Variants in THADA observed in about 807,000 individuals in gnomAD.
THADA encodes THADA armadillo repeat containing, also known as tRNA (32-2'-O)-methyltransferase regulator THADA.
Under a neutral mutation model 219.8 loss-of-function variants are expected in THADA, and 213 were observed. The observed-to-expected ratio is 0.97, with a 90% CI of 0.87 to 1.09. The LOEUF is 1.09. THADA is among the 50% of genes least tolerant of loss of function. The pLI is 0.00. For synonymous variants in THADA, 1,018 were observed against 828.9 expected (o/e 1.23, Z -3.92); for missense variants, 2,956 against 2,311.3 (o/e 1.28, Z -5.72).
chr2:43,294,745 G>A (rs1675162351), intron 31 of THADA, among the ~76,000 whole-genome samples: 1 of 152,090 alleles, frequency 6.6e-6, no homozygotes, highest in Non-Finnish European at 1.5e-5. Flanking sequence ...AGAAATAAAT[G>A]ACGAGGGCCT....
chr2:43,530,958 C>T (rs1693791630), intron 21 of THADA, among the ~76,000 whole-genome samples: 3 of 152,140 alleles, frequency 2.0e-5, no homozygotes, highest in African/African-American at 7.2e-5. Context: ...CCGAATAAAC[C>T]CACATAGCTA....
chr2:43,431,045 AG>A (rs1679200006), intron 26 of THADA, among the ~76,000 whole-genome samples: 1 of 152,230 alleles, frequency 6.6e-6, no homozygotes, highest in African/African-American at 2.4e-5. Flanking sequence ...ATAGTTCCTC[AG>A]GCTGCACCAC....
chr2:43,468,891 A>T (rs1312355802), intron 26 of THADA, among the ~76,000 whole-genome samples: 1 of 152,194 alleles, frequency 6.6e-6, no homozygotes, highest in East Asian at 1.9e-4. Flanking sequence ...TGAGATGAAG[A>T]AACTGAGGCC....
chr2:43,327,780 C>A (rs1326452732), intron 30 of THADA, among the ~76,000 whole-genome samples: 1 of 152,144 alleles, frequency 6.6e-6, no homozygotes, highest in Non-Finnish European at 1.5e-5. Flanking sequence ...AAAACCAACT[C>A]ACTTCAAAGC....
intron 28 of THADA, among the ~76,000 whole-genome samples, chr2:43,405,828 A>G (rs1675465460): frequency 6.6e-6 from 1 of 152,198 alleles, no homozygotes; most frequent in African/African-American, 2.4e-5. Context: ...GGCAGCTCAA[A>G]GCTCTTTGCA....
At chr2:43,239,410 C>G (rs1668391247) in intron 36 of THADA, among the ~76,000 whole-genome samples, 1 of 152,248 alleles carries the variant, frequency 6.6e-6, no homozygotes, top group Non-Finnish European at 1.5e-5. Flanking sequence ...AGGCCTCACA[C>G]AGTGTGTTGC....
intron 26 of THADA, among the ~76,000 whole-genome samples, chr2:43,476,050 C>G (rs543523070): frequency 6.6e-6 from 1 of 152,152 alleles, no homozygotes; most frequent in African/African-American, 2.4e-5. Flanking sequence ...TGAGTAGTCA[C>G]GTGCTTCGGG....
intron 36 of THADA, among the ~76,000 whole-genome samples, chr2:43,264,778 G>A (rs1208656310): frequency 2.0e-5 from 3 of 152,208 alleles, no homozygotes; most frequent in Admixed American, 6.5e-5. Context: ...GTTAGAACTA[G>A]CTGGAGAAGA....
chr2:43,382,865 T>C (rs1381547806), intron 29 of THADA, among the ~76,000 whole-genome samples: 1 of 152,148 alleles, frequency 6.6e-6, no homozygotes. Context: ...GCACACAATT[T>C]ACAAACTACC....
intron 28 of THADA, among the ~76,000 whole-genome samples, chr2:43,411,153 C>T (rs1676247491): frequency 6.6e-6 from 1 of 152,178 alleles, no homozygotes; most frequent in African/African-American, 2.4e-5. Flanking sequence ...GAATCTTTCA[C>T]ATGTTCTAGA....
intron 36 of THADA, among the ~76,000 whole-genome samples, chr2:43,256,065 C>A (rs1670277931): frequency 6.6e-6 from 1 of 152,186 alleles, no homozygotes; most frequent in Admixed American, 6.5e-5. Flanking sequence ...CTTTCAGGCT[C>A]TTTTAAATTC....
intron 25 of THADA, among the ~76,000 whole-genome samples, chr2:43,493,791 T>C (rs1188382981): frequency 6.6e-6 from 1 of 152,228 alleles, no homozygotes; most frequent in Admixed American, 6.5e-5. Context: ...ATATAAATAA[T>C]ATGTTAAAGA....
intron 29 of THADA, among the ~76,000 whole-genome samples, chr2:43,346,788 C>A (rs185743502): frequency 2.8e-4 from 42 of 152,350 alleles, no homozygotes; most frequent in African/African-American, 1.0e-3. Flanking sequence ...CATGAAAAAT[C>A]AATAGCTTTC....
At chr2:43,425,294 C>A (rs1320365736) in intron 28 of THADA, among the ~76,000 whole-genome samples, 3 of 152,092 alleles carry the variant, frequency 2.0e-5, no homozygotes, top group Non-Finnish European at 4.4e-5. Flanking sequence ...CGGGGCTCAA[C>A]AAAGGTTGGT....
intron 29 of THADA, among the ~76,000 whole-genome samples, chr2:43,360,134 T>A (rs1238991723): frequency 1.3e-5 from 2 of 152,212 alleles, no homozygotes; most frequent in African/African-American, 2.4e-5. Flanking sequence ...CAAAGTTCTC[T>A]CTGACAATTC....
At chr2:43,339,605 G>C (rs547285715) in intron 30 of THADA, among the ~76,000 whole-genome samples, 38 of 152,240 alleles carry the variant, frequency 2.5e-4, no homozygotes, top group Middle Eastern at 3.4e-3. Context: ...AGTTCACTAA[G>C]TTTACCAAAA....
At chr2:43,454,612 C>CAT (rs1230027645) in intron 26 of THADA, among the ~76,000 whole-genome samples, 1 of 151,858 alleles carries the variant, frequency 6.6e-6, no homozygotes, top group African/African-American at 2.4e-5. Flanking sequence ...AACACACACA[C>CAT]ACACACACAC....
In THADA at chr2:43,429,606, G is replaced by A. The variant is rs1034063801; in HGVS notation, c.3926+607C>T. 1.6e-4 allele frequency among the ~76,000 whole-genome samples: 24 copies of A among 151,958 alleles called. 1 individual carries two copies. The highest frequency in any genetic ancestry group is 5.5e-4 in the African/African-American group (23 of 41,472). On this transcript the variant is annotated intron_variant, in intron 27 of 37. Coordinates refer to ENST00000405975, the MANE Select transcript of THADA (RefSeq NM_022065.5). Reference sequence around the variant, plus strand: ...ACAAGCCAGTAATAAAAAATGACAGGTATGCATAAAGCAAACTCAATATGT... The same window carrying A: ...ACAAGCCAGTAATAAAAAATGACAGATATGCATAAAGCAAACTCAATATGT...
chr2:43,437,829 G>A (rs1680313617), intron 26 of THADA, among the ~76,000 whole-genome samples: 1 of 152,062 alleles, frequency 6.6e-6, no homozygotes, highest in African/African-American at 2.4e-5. Flanking sequence ...GGCCACAAAT[G>A]GGGAGAACAT....
Sources: gnomAD v4.1 joint callset for allele counts (sites outside exome capture counted in the v4.1 genomes callset) on GRCh38, gnomAD v4.1.1 for gene constraint, MANE v1.5 for transcripts, NCBI Gene and HGNC (gene_info 2026-07-23, HGNC 2026-07-21) for gene names.